Variants in PCDHA1 observed in about 807,000 individuals in gnomAD.
PCDHA1 encodes protocadherin alpha 1, also known as protocadherin alpha-1.
Under a neutral mutation model 61.3 loss-of-function variants are expected in PCDHA1, and 42 were observed. That is an observed-to-expected ratio of 0.69 (90% CI 0.54 to 0.89). PCDHA1 has a LOEUF of 0.89. Among genes scored for constraint, PCDHA1 ranks in the 40% least tolerant of loss-of-function variants. The pLI, the probability that PCDHA1 is intolerant of heterozygous loss-of-function variation, is 0.00. For synonymous variants in PCDHA1, 610 were observed against 553.8 expected, an observed-to-expected ratio of 1.10 and a Z score of -1.43; for missense variants, 1,256 against 1,235.3, an observed-to-expected ratio of 1.02 and a Z score of -0.25.
chr5:140,823,262 G>T lies in PCDHA1; in HGVS notation c.2394+34578G>T, dbSNP rs2150124059. ...CTGGTGTCCTACTCGCTGGTGGAGC[G>T]GCGGGTGGGCGAGCGCCCGCTGTCG... On this transcript the variant is annotated intron_variant, in intron 1 of 3. Transcript: ENST00000504120. 4.2e-5 allele frequency: 67 copies of T among 1,612,822 alleles called. No homozygotes were observed. Among genetic ancestry groups the T allele is most frequent in the Non-Finnish European group, 5.3e-5 (63 of 1,179,778 alleles).
intron 1 of PCDHA1, among the ~76,000 whole-genome samples, chr5:140,920,775 T>G (rs1007654952): frequency 5.4e-5 from 8 of 147,470 alleles, no homozygotes; most frequent in African/African-American, 1.8e-4. Context: ...ACCTGGGAGG[T>G]GGAGGTTGCA....
chr5:140,878,274 C>G (rs1273765492), intron 1 of PCDHA1, among the ~76,000 whole-genome samples: 3 of 152,092 alleles, frequency 2.0e-5, no homozygotes, highest in Non-Finnish European at 1.5e-5. Flanking sequence ...TTTAAAATAG[C>G]CTTCTTGATC....
At chr5:140,871,026 G>T in intron 1 of PCDHA1, 2 of 1,613,220 alleles carry the variant, frequency 1.2e-6, no homozygotes, top group Non-Finnish European at 1.7e-6. Context: ...AGGCAGACTC[G>T]CCGCGCCACC....
chr5:140,881,097 A>G (rs1179635604), intron 1 of PCDHA1, among the ~76,000 whole-genome samples: 1 of 152,262 alleles, frequency 6.6e-6, no homozygotes, highest in Non-Finnish European at 1.5e-5. Flanking sequence ...TTTTCATTAC[A>G]CCATTTGGCC....
intron 1 of PCDHA1, chr5:140,841,275 A>G: frequency 6.5e-7 from 1 of 1,534,690 alleles, no homozygotes; most frequent in Non-Finnish European, 8.8e-7. Context: ...ACAGTCGTTC[A>G]TCTTTATATT....
At chr5:140,803,860 A>G in intron 1 of PCDHA1, 2 of 576,076 alleles carry the variant, frequency 3.5e-6, no homozygotes, top group Non-Finnish European at 6.0e-6. Flanking sequence ...ATGCCTGGGT[A>G]TAAGACAAAT....
intron 3 of PCDHA1, among the ~76,000 whole-genome samples, chr5:140,994,878 A>G (rs1034578696): frequency 2.0e-5 from 3 of 152,170 alleles, no homozygotes; most frequent in Non-Finnish European, 4.4e-5. Context: ...GAATAAAGAG[A>G]TGTTAGGAAA....
At position 140,969,519 on chromosome 5, in the gene PCDHA1, G is replaced by A. The variant is rs1586385280; in HGVS notation, c.2395-9430G>A. On this transcript the variant is annotated intron_variant, in intron 1 of 3. Transcript: ENST00000504120. ...TCTAGAAAAATAGCACTAAAGAATTGTTTTATTTTTCATTTTCAGAGGCAT... is the reference window on the plus strand; with the variant it reads ...TCTAGAAAAATAGCACTAAAGAATTATTTTATTTTTCATTTTCAGAGGCAT... The A allele has an allele frequency of 3.6e-6, 5 of 1,406,074 alleles. No individual in the cohort carries two copies. The East Asian group carries it at 1.3e-4, about 35-fold the overall frequency. 87.1% of individuals were successfully genotyped at this position (1,406,074 alleles called of 1,614,324 possible). A position where few individuals can be genotyped will look rare whatever the true frequency, so the allele number is the denominator to read the frequency against.
chr5:140,834,507 G>A (rs139562115), intron 1 of PCDHA1: 2 of 1,614,136 alleles, frequency 1.2e-6, no homozygotes, highest in South Asian at 1.1e-5. Flanking sequence ...GGCTAAACAT[G>A]GCAACTTCGT....
At chr5:140,947,769 A>G (rs2094173274) in intron 1 of PCDHA1, among the ~76,000 whole-genome samples, 1 of 151,626 alleles carries the variant, frequency 6.6e-6, no homozygotes, top group South Asian at 2.1e-4. Context: ...AAAAAATTCT[A>G]TTGTAAATGG....
intron 1 of PCDHA1, chr5:140,966,785 A>G: frequency 6.6e-7 from 1 of 1,522,872 alleles, no homozygotes. Flanking sequence ...GGCGGGCACC[A>G]GACCTGCGGC....
intron 1 of PCDHA1, among the ~76,000 whole-genome samples, chr5:140,956,034 A>C (rs1274584028): frequency 1.3e-5 from 2 of 152,200 alleles, no homozygotes; most frequent in Non-Finnish European, 2.9e-5. Flanking sequence ...TTATCAGCTT[A>C]AGAAGCTTTT....
chr5:140,980,724 T>G (rs2096903192), intron 2 of PCDHA1, among the ~76,000 whole-genome samples: 1 of 152,176 alleles, frequency 6.6e-6, no homozygotes, highest in Non-Finnish European at 1.5e-5. Flanking sequence ...GGGTTTCAAT[T>G]AAGATATTAT....
intron 1 of PCDHA1, chr5:140,822,298 G>C (rs2150115321): frequency 6.2e-7 from 1 of 1,614,222 alleles, no homozygotes; most frequent in South Asian, 1.1e-5. Flanking sequence ...AAATCCAAAC[G>C]AATATTTTGA....
In PCDHA1 at chr5:141,009,984, G is replaced by A. The variant is rs782207623; in HGVS notation, c.*47G>A. 6.3e-7 allele frequency: 1 copy of A among 1,581,532 alleles called. No homozygotes were observed. Among genetic ancestry groups the A allele is most frequent in the Admixed American group, 1.9e-5 (1 of 53,968 alleles). On this transcript the variant is annotated 3_prime_UTR_variant, in exon 4 of 4. Transcript: ENST00000504120. ...CACTTAGCCAGTTTTTGTAATAATG[G>A]CAAATCTCTCCCATGTAGCAATTCC... is the stretch of plus-strand genomic sequence containing the variant.
intron 1 of PCDHA1, among the ~76,000 whole-genome samples, chr5:140,937,993 G>A (rs1554211932): frequency 6.6e-6 from 1 of 151,358 alleles, no homozygotes. Flanking sequence ...TGTTAACTTT[G>A]TATCCAATGT....
At chr5:140,958,925 G>T (rs980567381) in intron 1 of PCDHA1, among the ~76,000 whole-genome samples, 1 of 144,748 alleles carries the variant, frequency 6.9e-6, no homozygotes, top group African/African-American at 2.6e-5. Flanking sequence ...GGGTGTGGTG[G>T]CTCATACTTG....
intron 1 of PCDHA1, among the ~76,000 whole-genome samples, chr5:140,889,975 T>A (rs2062445806): frequency 6.6e-6 from 1 of 152,182 alleles, no homozygotes; most frequent in African/African-American, 2.4e-5. Flanking sequence ...CTATCCAGTC[T>A]CCAGTTGTCT....
chr5:141,000,423 T>C (rs470406), intron 3 of PCDHA1, among the ~76,000 whole-genome samples: 6 of 66,864 alleles, frequency 9.0e-5, no homozygotes, highest in Non-Finnish European at 1.8e-4. Context: ...ATATATATAT[T>C]TTTTTTTTTT....
Sources: allele counts gnomAD v4.1 joint callset (sites outside exome capture counted in the v4.1 genomes callset), GRCh38; gene constraint gnomAD v4.1.1; transcripts MANE v1.5; gene names NCBI Gene and HGNC (gene_info 2026-07-23, HGNC 2026-07-21).